GPCPD1: variants seen among roughly 807,000 people sequenced by gnomAD.
GPCPD1 encodes glycerophosphocholine phosphodiesterase GPCPD1.
In GPCPD1, 29 loss-of-function variants were observed where a neutral mutation model predicts 89.2. The observed-to-expected ratio is 0.33, with a 90% CI of 0.24 to 0.44. GPCPD1 has a LOEUF of 0.44. Among genes scored for constraint, GPCPD1 ranks in the 20% least tolerant of loss-of-function variants. The pLI is 1.00. For missense variants in GPCPD1, 594 were observed against 808.9 expected (o/e 0.73, Z 3.22); for synonymous variants, 258 against 266.3 (o/e 0.97, Z 0.30).
At chr20:5,563,303 A>G (rs1180128494) in intron 15 of GPCPD1, among the ~76,000 whole-genome samples, 4 of 151,838 alleles carry the variant, frequency 2.6e-5, no homozygotes, top group Non-Finnish European at 5.9e-5. Flanking sequence ...ATTGAATTAT[A>G]ATGGCAAAGT....
intron 11 of GPCPD1, 29 bp from the exon 12 acceptor site, chr20:5,570,268 A>G (rs772888409): frequency 9.5e-6 from 11 of 1,161,148 alleles, no homozygotes; most frequent in Non-Finnish European, 1.4e-5. Flanking sequence ...TATTTGAAAA[A>G]CATTGCCTGG....
At chr20:5,552,962 T>A (rs1985513643) in intron 19 of GPCPD1, among the ~76,000 whole-genome samples, 1 of 152,246 alleles carries the variant, frequency 6.6e-6, no homozygotes, top group Admixed American at 6.5e-5. Context: ...TTCGTCTTAC[T>A]GCACTTCGTC....
At chr20:5,562,536 C>T (rs1986144887) in intron 15 of GPCPD1, among the ~76,000 whole-genome samples, 1 of 152,186 alleles carries the variant, frequency 6.6e-6, no homozygotes, top group Non-Finnish European at 1.5e-5. Flanking sequence ...CCTGCCTTGG[C>T]CTCCAGAAGT....
At chr20:5,566,700 A>G in intron 14 of GPCPD1, 33 bp downstream of exon 14, 1 of 1,341,282 alleles carries the variant, frequency 7.5e-7, no homozygotes, top group Non-Finnish European at 1.1e-6. Context: ...GCTAACTACA[A>G]AAGGAAAACA....
chr20:5,589,992 A>C (rs1979213480), intron 4 of GPCPD1, among the ~76,000 whole-genome samples: 1 of 152,186 alleles, frequency 6.6e-6, no homozygotes, highest in Non-Finnish European at 1.5e-5. Context: ...ATTTTTAAAA[A>C]TTTCTTCCCA....
intron 17 of GPCPD1, among the ~76,000 whole-genome samples, chr20:5,559,036 C>T (rs540630207): frequency 6.6e-6 from 1 of 152,062 alleles, no homozygotes; most frequent in African/African-American, 2.4e-5. Context: ...AATCCCATCT[C>T]TACTAAAAAT....
rs374518148 is a variant in GPCPD1, at chr20:5,547,630, C to A, written c.*31G>T. On this transcript the variant is annotated 3_prime_UTR_variant, in exon 20 of 20. Coordinates refer to ENST00000379019, the MANE Select transcript of GPCPD1 (RefSeq NM_019593.5). ...AATGAATACCCAGAACAGCGGTGCA[C>A]GCCCCCAAAATGACCTCTGTGCAAT... 1 of 1,270,096 alleles carries A rather than the reference C, an allele frequency of 7.9e-7. No homozygotes were observed. Among genetic ancestry groups the A allele is most frequent in the Non-Finnish European group, 1.1e-6 (1 of 883,164 alleles). 78.7% of individuals were successfully genotyped at this position (1,270,096 alleles called of 1,614,324 possible).
At chr20:5,588,277 G>C (rs1979067734) in intron 4 of GPCPD1, among the ~76,000 whole-genome samples, 1 of 152,178 alleles carries the variant, frequency 6.6e-6, no homozygotes, top group African/African-American at 2.4e-5. Context: ...GGCCAAGGCA[G>C]GTGGATCACT....
intron 19 of GPCPD1, chr20:5,549,149 A>C (rs1450809867): frequency 1.5e-6 from 1 of 652,814 alleles, no homozygotes; most frequent in Non-Finnish European, 2.9e-6. Flanking sequence ...TGAGAAAAAC[A>C]AACAGGGAGG....
At chr20:5,605,913 T>C in intron 1 of GPCPD1, among the ~76,000 whole-genome samples, 1 of 152,164 alleles carries the variant, frequency 6.6e-6, no homozygotes. Flanking sequence ...CTTATATCCA[T>C]TTTGTCAATT....
intron 19 of GPCPD1, among the ~76,000 whole-genome samples, chr20:5,550,283 C>CAAAAAAAAAAA (rs11476159): frequency 7.7e-4 from 58 of 75,696 alleles, no homozygotes; most frequent in East Asian, 2.1e-3. Flanking sequence ...TCAAATGAAG[C>CAAAAAAAAAAA]AAAAAAAAAA....
At chr20:5,607,750 G>A (rs1236297913) in intron 1 of GPCPD1, among the ~76,000 whole-genome samples, 1 of 151,802 alleles carries the variant, frequency 6.6e-6, no homozygotes, top group African/African-American at 2.4e-5. Flanking sequence ...CCCAGAAGGT[G>A]GAGGTTGCAG....
intron 15 of GPCPD1, among the ~76,000 whole-genome samples, chr20:5,564,680 TAAA>T (rs1345202307): frequency 2.0e-5 from 3 of 151,854 alleles, no homozygotes; most frequent in African/African-American, 7.3e-5. Context: ...TACAAAAAAA[TAAA>T]AAAATTAGCC....
intron 6 of GPCPD1, among the ~76,000 whole-genome samples, chr20:5,583,187 G>A (rs1406519323): frequency 3.7e-5 from 5 of 136,810 alleles, no homozygotes; most frequent in Admixed American, 2.5e-4. Context: ...TTGTGCCATC[G>A]CACTCCAGCC....
intron 8 of GPCPD1, among the ~76,000 whole-genome samples, chr20:5,576,621 A>G (rs557659276): frequency 5.3e-5 from 8 of 152,252 alleles, no homozygotes; most frequent in Middle Eastern, 3.4e-3. Context: ...CTCATTCAGT[A>G]TAAGCACTGC....
At chr20:5,556,353 G>A (rs1985768337) in intron 19 of GPCPD1, among the ~76,000 whole-genome samples, 1 of 152,102 alleles carries the variant, frequency 6.6e-6, no homozygotes, top group African/African-American at 2.4e-5. Flanking sequence ...TTACAGGCAT[G>A]TGCCACCACA....
intron 3 of GPCPD1, among the ~76,000 whole-genome samples, chr20:5,593,924 T>G (rs1189817072): frequency 6.6e-6 from 1 of 152,218 alleles, no homozygotes; most frequent in East Asian, 1.9e-4. Context: ...AAACATGAGT[T>G]ACACTCCTAT....
intron 1 of GPCPD1, among the ~76,000 whole-genome samples, chr20:5,608,761 C>A (rs1434055114): frequency 6.6e-6 from 1 of 152,188 alleles, no homozygotes; most frequent in African/African-American, 2.4e-5. Context: ...ACCTCACATA[C>A]AGACTACACT....
At chr20:5,579,931 G>C (rs1600759411) in intron 7 of GPCPD1, 77 bp downstream of exon 7, 1 of 893,250 alleles carries the variant, frequency 1.1e-6, no homozygotes, top group Non-Finnish European at 1.8e-6. Flanking sequence ...ACACTTAAAG[G>C]CTAAAACCAA....
Sources: gnomAD v4.1 joint callset for allele counts (sites outside exome capture counted in the v4.1 genomes callset) on GRCh38, gnomAD v4.1.1 for gene constraint, MANE v1.5 for transcripts, NCBI Gene and HGNC (gene_info 2026-07-23, HGNC 2026-07-21) for gene names.